Variants in DNAJC27 observed in about 807,000 individuals in gnomAD.
DNAJC27 encodes the protein dnaJ homolog subfamily C member 27.
In DNAJC27, 25 loss-of-function variants were observed where a neutral mutation model predicts 31.4. The observed-to-expected ratio is 0.80, with a 90% CI of 0.58 to 1.11. DNAJC27 has a LOEUF of 1.11. Ranked by LOEUF, DNAJC27 falls within the 50% of genes most tolerant of loss-of-function variation. DNAJC27 has a pLI of 0.00. For synonymous variants in DNAJC27, 106 were observed against 112.7 expected, an observed-to-expected ratio of 0.94 and a Z score of 0.37; for missense variants, 356 against 347.3, an observed-to-expected ratio of 1.02 and a Z score of -0.20.
chr2:24,966,126 T>C (rs1410440973), intron 2 of DNAJC27, among the ~76,000 whole-genome samples: 2 of 152,190 alleles, frequency 1.3e-5, no homozygotes, highest in African/African-American at 2.4e-5. Flanking sequence ...TAGAAGACCT[T>C]ACGGGAACAG....
chr2:24,966,330 T>C (rs1321093818), intron 2 of DNAJC27, among the ~76,000 whole-genome samples: 1 of 152,080 alleles, frequency 6.6e-6, no homozygotes, highest in East Asian at 1.9e-4. Context: ...GTTTAAGGAG[T>C]ATGCTATCTA....
At chr2:24,969,676 A>G (rs1573120892) in intron 1 of DNAJC27, among the ~76,000 whole-genome samples, 1 of 152,040 alleles carries the variant, frequency 6.6e-6, no homozygotes, top group Admixed American at 6.5e-5. Flanking sequence ...ATGGGGTTTC[A>G]CCATGTTGCC....
chr2:24,956,540 G>C (rs1472432830), intron 5 of DNAJC27, among the ~76,000 whole-genome samples: 4 of 152,064 alleles, frequency 2.6e-5, no homozygotes, highest in African/African-American at 9.7e-5. Flanking sequence ...CTACAATATA[G>C]GATTATACTA....
At chr2:24,958,587 T>C in intron 3 of DNAJC27, 1 of 420,212 alleles carries the variant, frequency 2.4e-6, no homozygotes, top group Non-Finnish European at 5.0e-6. Context: ...CCTCTCTGCG[T>C]CTCAGTTTCC....
chr2:24,969,632 C>G (rs1666276732), intron 1 of DNAJC27, among the ~76,000 whole-genome samples: 1 of 152,172 alleles, frequency 6.6e-6, no homozygotes, highest in Admixed American at 6.5e-5. Flanking sequence ...GCGTGCGCCA[C>G]CATGCCTGGC....
At chr2:24,959,277 C>A (rs1665984395) in intron 3 of DNAJC27, among the ~76,000 whole-genome samples, 1 of 152,180 alleles carries the variant, frequency 6.6e-6, no homozygotes, top group Non-Finnish European at 1.5e-5. Flanking sequence ...CCCACTCCAG[C>A]TTACCACCAA....
intron 2 of DNAJC27, 83 bp downstream of exon 2, chr2:24,967,128 A>G (rs2149131203): frequency 6.8e-6 from 7 of 1,030,160 alleles, no homozygotes; most frequent in South Asian, 1.4e-5. Context: ...TACCTACACA[A>G]GAGCACTGAT....
chr2:24,944,282 C>A lies in DNAJC27; in HGVS notation c.*3334G>T, dbSNP rs905686017. On this transcript the variant is annotated 3_prime_UTR_variant, in exon 7 of 7. Coordinates refer to ENST00000264711, the MANE Select transcript of DNAJC27 (RefSeq NM_016544.3). ...AACAAGCACATGGCTTACAGCTCCA[C>A]CTTTCTAACTTTTGGCAAAATCCCT... is the stretch of plus-strand genomic sequence containing the variant. The A allele has an allele frequency of 9.9e-5, 15 of 152,024 alleles. No homozygotes were observed. Among genetic ancestry groups the A allele is most frequent in the African/African-American group, 2.9e-4 (12 of 41,372 alleles). 9.4% of individuals were successfully genotyped at this position (152,024 alleles called of 1,614,324 possible).
intron 3 of DNAJC27, among the ~76,000 whole-genome samples, chr2:24,960,120 CCA>C (rs757352054): frequency 6.6e-6 from 1 of 152,174 alleles, no homozygotes; most frequent in Non-Finnish European, 1.5e-5. Flanking sequence ...TGCCATTTTT[CCA>C]CAGTGTGTGT....
intron 4 of DNAJC27, 125 bp downstream of exon 4, chr2:24,957,685 T>C (rs1186368403): frequency 6.5e-5 from 60 of 920,578 alleles, no homozygotes; most frequent in Admixed American, 7.4e-5. Flanking sequence ...AGGGACATTA[T>C]GTTTTGAAAG....
chr2:24,951,973 A>T (rs1194951567), intron 5 of DNAJC27, among the ~76,000 whole-genome samples: 1 of 151,854 alleles, frequency 6.6e-6, no homozygotes, highest in Non-Finnish European at 1.5e-5. Context: ...AAATTACCCG[A>T]GTGTGGTGGT....
intron 1 of DNAJC27, among the ~76,000 whole-genome samples, chr2:24,969,838 A>G (rs927254656): frequency 2.0e-5 from 3 of 151,692 alleles, no homozygotes; most frequent in African/African-American, 7.3e-5. Flanking sequence ...TTTTTTCCCC[A>G]CAATTTTCTT....
At chr2:24,966,537 C>T (rs1227823027) in intron 2 of DNAJC27, among the ~76,000 whole-genome samples, 1 of 152,118 alleles carries the variant, frequency 6.6e-6, no homozygotes, top group Non-Finnish European at 1.5e-5. Context: ...CAGCTCACTG[C>T]AACCTCTGCC....
intron 1 of DNAJC27, among the ~76,000 whole-genome samples, chr2:24,971,234 C>G (rs959882693): frequency 5.3e-5 from 8 of 152,140 alleles, no homozygotes; most frequent in Non-Finnish European, 8.8e-5. Context: ...GGCGGTGGAA[C>G]TAACAGATAT....
In DNAJC27 at chr2:24,957,678, G is replaced by A. The variant is rs928211204; in HGVS notation, c.405+132C>T. The A allele has an allele frequency of 1.3e-5, 11 of 865,796 alleles. No individual in the cohort carries two copies. In the African/African-American group the frequency reaches 1.9e-4, roughly 15 times the overall value. The allele number at this position is 865,796 out of a possible 1,614,324, so 53.6% of individuals were successfully genotyped here. ...TGTGTTGTTTTGTTTTTGTCTTAGG[G>A]ACATTATGTTTTGAAAGGTTATTGA... is the stretch of plus-strand genomic sequence containing the variant. On this transcript the variant is annotated intron_variant, in intron 4 of 6. Transcript: ENST00000264711.
chr2:24,945,102 A>T lies in DNAJC27; in HGVS notation c.*2514T>A, dbSNP rs969483640. ...ACCAAGAATTTAAATTAATGCATAGATGTCTGTGAAATTCTGCATGAAGTT... is the reference window on the plus strand; with the variant it reads ...ACCAAGAATTTAAATTAATGCATAGTTGTCTGTGAAATTCTGCATGAAGTT... On this transcript the variant is annotated 3_prime_UTR_variant, in exon 7 of 7. Coordinates refer to ENST00000264711, the MANE Select transcript of DNAJC27 (RefSeq NM_016544.3). The T allele has an allele frequency of 6.6e-6, 1 of 152,292 alleles. No individual in the cohort carries two copies. The highest frequency in any genetic ancestry group is 6.5e-5 in the Admixed American group (1 of 15,298). 9.4% of individuals were successfully genotyped at this position (152,292 alleles called of 1,614,324 possible).
chr2:24,944,228 G>GT lies in DNAJC27; in HGVS notation c.*3387dup, dbSNP rs1323264530. On this transcript the variant is annotated 3_prime_UTR_variant, in exon 7 of 7. Transcript: ENST00000264711. ...ATTCCCATGCCTAGTGGAATTAGTT[G>GT]TAAGACGCGCACTGTCACTGTCAAA... is the stretch of plus-strand genomic sequence containing the variant. 6.6e-6 allele frequency: 1 copy of GT among 152,146 alleles called. No individual in the cohort carries two copies. Among genetic ancestry groups the GT allele is most frequent in the African/African-American group, 2.4e-5 (1 of 41,434 alleles). The allele number at this position is 152,146 out of a possible 1,614,324, so 9.4% of individuals were successfully genotyped here. A position where few individuals can be genotyped will look rare whatever the true frequency, so the allele number is the denominator to read the frequency against.
At chr2:24,967,182 T>C in intron 2 of DNAJC27, 29 bp downstream of exon 2, 1 of 1,580,342 alleles carries the variant, frequency 6.3e-7, no homozygotes, top group Non-Finnish European at 8.7e-7. Context: ...TCTATGTAAC[T>C]TACAAACCCA....
At chr2:24,968,479 A>C (rs1452586674) in intron 1 of DNAJC27, among the ~76,000 whole-genome samples, 2 of 151,662 alleles carry the variant, frequency 1.3e-5, no homozygotes, top group African/African-American at 4.8e-5. Flanking sequence ...TCTTTTATCC[A>C]TCTAGAATTT....
Sources: gnomAD v4.1 joint callset for allele counts (sites outside exome capture counted in the v4.1 genomes callset) on GRCh38, gnomAD v4.1.1 for gene constraint, MANE v1.5 for transcripts, NCBI Gene and HGNC (gene_info 2026-07-23, HGNC 2026-07-21) for gene names.